ABI1: variants seen among roughly 807,000 people sequenced by gnomAD.
ABI1 encodes Abelson interactor 1.
Under a neutral mutation model 54.6 loss-of-function variants are expected in ABI1, and 14 were observed. That is an observed-to-expected ratio of 0.26 (90% CI 0.17 to 0.40). The LOEUF (loss-of-function observed/expected upper bound fraction) is 0.40. ABI1 is among the 10% of genes least tolerant of loss of function. The probability of loss-of-function intolerance (pLI) is 1.00; values close to 1 mark genes in which losing one functional copy is unlikely to be tolerated. For missense variants in ABI1, 443 were observed against 598.3 expected, an observed-to-expected ratio of 0.74 and a Z score of 2.71; for synonymous variants, 194 against 209.3, an observed-to-expected ratio of 0.93 and a Z score of 0.63.
rs1475567499 is a variant in ABI1, at chr10:26,748,418, T to TACAAA, written c.*151_*152insTTTGT. The TACAAA allele has an allele frequency of 1.7e-5, 10 of 585,836 alleles. No homozygotes were observed. The highest frequency in any genetic ancestry group is 1.3e-4 in the African/African-American group (7 of 54,246). The allele number at this position is 585,836 out of a possible 1,614,324, so 36.3% of individuals were successfully genotyped here. ...CAATACATAAACTGCCTCAAAGATT[T>TACAAA]ATGCTTACAGGTAGACATTCAATTT... On this transcript the variant is annotated 3_prime_UTR_variant, in exon 11 of 11. Transcript: ENST00000376140.
intron 10 of ABI1, 22 bp from the exon 11 acceptor site, chr10:26,748,767 T>C (rs1318370335): frequency 3.8e-6 from 6 of 1,582,914 alleles, no homozygotes; most frequent in Non-Finnish European, 4.3e-6. Context: ...ACAGTTGAAA[T>C]ATCACATGAG....
Position 26,755,247 on chromosome 10 carries a change from T to C in ABI1, c.1084+408A>G, listed in dbSNP as rs1838155498. Among the ~76,000 whole-genome samples the C allele has an allele frequency of 3.3e-5, 5 of 152,328 alleles. No individual in the cohort carries two copies. In the South Asian group the frequency reaches 1.0e-3, roughly 32 times the overall value. On this transcript the variant is annotated intron_variant, in intron 9 of 10. Transcript: ENST00000376140. ...TAAGGGGGGAAAATCTGCCCCAATT[T>C]CATATTAAATTTAATCTTACAGTAT...
At chr10:26,762,486 C>A (rs1198602351) in intron 7 of ABI1, among the ~76,000 whole-genome samples, 2 of 152,180 alleles carry the variant, frequency 1.3e-5, no homozygotes, top group Non-Finnish European at 2.9e-5. Flanking sequence ...CAGCAGTTTT[C>A]ACACTTTTTG....
At chr10:26,799,279 T>A (rs12265065) in intron 2 of ABI1, among the ~76,000 whole-genome samples, 3,655 of 152,080 alleles carry the variant, frequency 0.024, 149 homozygotes, top group African/African-American at 0.083. Flanking sequence ...TATATTAATA[T>A]AATATCGAGA....
chr10:26,755,731 A>T lies in ABI1; in HGVS notation c.1008T>A (p.Ala336=), dbSNP rs1838218981. ...ACTGAGGCATAGGGGGAGGGGGTGG[A>T]GCAATAGAAACTGGTAGCAACAACA... ...PLYSQNSISI[A]PPPPPMPQLT... is the part of the protein sequence containing the mutation. Residue 336 remains alanine, a synonymous_variant, in exon 9 of 11, where the codon GCT becomes GCA. Coordinates refer to ENST00000376140, the MANE Select transcript of ABI1 (RefSeq NM_001012750.3). The T allele has an allele frequency of 6.2e-7, 1 of 1,612,450 alleles. No homozygotes were observed. The highest frequency in any genetic ancestry group is 8.5e-7 in the Non-Finnish European group (1 of 1,178,736).
intron 2 of ABI1, among the ~76,000 whole-genome samples, chr10:26,821,415 T>C (rs1232396025): frequency 1.3e-5 from 2 of 152,032 alleles, no homozygotes; most frequent in East Asian, 1.9e-4. Context: ...CTAGCCATAA[T>C]GATTAGTTTA....
chr10:26,828,006 C>T lies in ABI1; in HGVS notation c.118-4701G>A, dbSNP rs181157548. Among the ~76,000 whole-genome samples the T allele has an allele frequency of 1.2e-4, 19 of 152,322 alleles. No individual in the cohort carries two copies. In the East Asian group the frequency reaches 2.9e-3, roughly 23 times the overall value. ...CTAAAGTTTGCAGCAAGAGGCTTAA[C>T]GTTTGGCCTATCTCAGCTTTTGACT... On this transcript the variant is annotated intron_variant, in intron 1 of 10. Transcript: ENST00000376140.
chr10:26,856,906 G>A (rs2050863717), intron 1 of ABI1, among the ~76,000 whole-genome samples: 1 of 152,166 alleles, frequency 6.6e-6, no homozygotes, highest in Admixed American at 6.5e-5. Flanking sequence ...GTAGAGCACA[G>A]AGAACTGGCT....
At chr10:26,845,146 T>TAATAAAA (rs2049876529) in intron 1 of ABI1, among the ~76,000 whole-genome samples, 1 of 146,182 alleles carries the variant, frequency 6.8e-6, no homozygotes. Context: ...CTAAATGCTT[T>TAATAAAA]AAAAAAAAAA....
chr10:26,857,320 CAAAAAAAAAAA>C (rs71403897), intron 1 of ABI1, among the ~76,000 whole-genome samples: 443 of 75,980 alleles, frequency 5.8e-3, no homozygotes, highest in Non-Finnish European at 0.011. Flanking sequence ...GACTCCATCT[CAAAAAAAAAAA>C]AAAAAAAAAA....
At chr10:26,755,411 C>A (rs760944196) in intron 9 of ABI1, among the ~76,000 whole-genome samples, 3 of 152,118 alleles carry the variant, frequency 2.0e-5, no homozygotes, top group Non-Finnish European at 4.4e-5. Flanking sequence ...AAGATCAGAT[C>A]TCCTGTTTTA....
intron 2 of ABI1, among the ~76,000 whole-genome samples, chr10:26,799,935 T>G (rs2046433325): frequency 6.7e-6 from 1 of 148,518 alleles, no homozygotes; most frequent in African/African-American, 2.5e-5. Flanking sequence ...TTCCATATTA[T>G]CACAGATTCT....
At position 26,761,617 on chromosome 10, in the gene ABI1, CATATATATATATATATATATATATAT is replaced by C. The variant is rs1164854399; in HGVS notation, c.821-2405_821-2380del. 8.8e-4 allele frequency among the ~76,000 whole-genome samples: 44 copies of C among 49,836 alleles called. 1 individual carries two copies. The highest frequency in any genetic ancestry group is 6.9e-3 in the East Asian group (10 of 1,456). 32.7% of individuals were successfully genotyped at this position (49,836 alleles called of 152,430 possible). A position where few individuals can be genotyped will look rare whatever the true frequency, so the allele number is the denominator to read the frequency against. ...TCTTTCTTCTGTAAATAGTTTTTGTCATATATATATATATATATATATATATATATATATATATATATATACACACA... is the reference window on the plus strand; with the variant it reads ...TCTTTCTTCTGTAAATAGTTTTTGTCATATATATATATATATATACACACA... On this transcript the variant is annotated intron_variant, in intron 7 of 10. Coordinates refer to ENST00000376140, the MANE Select transcript of ABI1 (RefSeq NM_001012750.3).
chr10:26,843,569 G>A (rs2049751360), intron 1 of ABI1, among the ~76,000 whole-genome samples: 1 of 136,974 alleles, frequency 7.3e-6, no homozygotes, highest in South Asian at 2.4e-4. Flanking sequence ...GGAATGTATT[G>A]CAATTCTCCT....
intron 2 of ABI1, among the ~76,000 whole-genome samples, chr10:26,818,740 C>T (rs2047763578): frequency 6.6e-6 from 1 of 151,582 alleles, no homozygotes; most frequent in Non-Finnish European, 1.5e-5. Flanking sequence ...ATCTGTAATC[C>T]CAGTACTCTG....
Position 26,825,714 on chromosome 10 carries a change from C to T in ABI1, c.118-2409G>A, listed in dbSNP as rs555300959. ...ATGAGTCAATCCTTTCAAGCACTAC[C>T]GATGCTTTATCAACTAAATTTATGT... On this transcript the variant is annotated intron_variant, in intron 1 of 10. Transcript: ENST00000376140. 5.9e-5 allele frequency among the ~76,000 whole-genome samples: 9 copies of T among 152,200 alleles called. No individual in the cohort carries two copies. The South Asian group carries it at 6.2e-4, about 11-fold the overall frequency.
intron 1 of ABI1, chr10:26,839,617 C>T (rs1441744279): frequency 1.6e-6 from 1 of 609,038 alleles, no homozygotes; most frequent in Admixed American, 2.9e-5. Flanking sequence ...CAGCACCACC[C>T]TTAACTGACT....
At chr10:26,853,500 A>T (rs1360424161) in intron 1 of ABI1, among the ~76,000 whole-genome samples, 1 of 151,628 alleles carries the variant, frequency 6.6e-6, no homozygotes, top group Non-Finnish European at 1.5e-5. Flanking sequence ...AATGCTTCAA[A>T]ATTAGCATTA....
chr10:26,781,581 C>A lies in ABI1; in HGVS notation c.286-4340G>T, dbSNP rs191961814. Among the ~76,000 whole-genome samples the A allele has an allele frequency of 2.0e-3, 300 of 152,280 alleles. 2 individuals are homozygous for A. The highest frequency in any genetic ancestry group is 2.3e-3 in the East Asian group (12 of 5,188). ...GGGTGTGGTTGCTTTGTTCCACGGG[C>A]AAAACTCAAGGACATTCTCACAGAT... On this transcript the variant is annotated intron_variant, in intron 2 of 10. Transcript: ENST00000376140.
Sources: gnomAD v4.1 joint callset for allele counts (sites outside exome capture counted in the v4.1 genomes callset) on GRCh38, gnomAD v4.1.1 for gene constraint, MANE v1.5 for transcripts, NCBI Gene and HGNC (gene_info 2026-07-23, HGNC 2026-07-21) for gene names.